The following LNX1 variants were observed in gnomAD, a reference collection of about 807,000 sequenced individuals.
The protein encoded by LNX1 is E3 ubiquitin-protein ligase LNX.
Under a neutral mutation model 68.4 loss-of-function variants are expected in LNX1, and 54 were observed. The ratio of observed to expected loss-of-function variants is 0.79; its 90% CI spans 0.63 to 0.99. The LOEUF (loss-of-function observed/expected upper bound fraction) is 0.99, where lower values mean the gene tolerates loss of function less well. LNX1 is among the 50% of genes least tolerant of loss of function. LNX1 has a pLI of 0.00. For missense variants in LNX1, 906 were observed against 926.4 expected (o/e 0.98, Z 0.29); for synonymous variants, 336 against 350.0 (o/e 0.96, Z 0.45).
At chr4:53,535,948 T>C (rs1728343347) in intron 2 of LNX1, among the ~76,000 whole-genome samples, 1 of 152,196 alleles carries the variant, frequency 6.6e-6, no homozygotes, top group African/African-American at 2.4e-5. Context: ...ACCAAAGGAT[T>C]GGACTTAGTC....
At chr4:53,542,919 G>A (rs1251034758) in intron 2 of LNX1, among the ~76,000 whole-genome samples, 2 of 152,164 alleles carry the variant, frequency 1.3e-5, no homozygotes, top group South Asian at 2.1e-4. Flanking sequence ...GCCCACCCAG[G>A]TGCCAGCTCC....
intron 2 of LNX1, among the ~76,000 whole-genome samples, chr4:53,602,388 G>A (rs1733054953): frequency 1.3e-5 from 2 of 152,210 alleles, no homozygotes; most frequent in African/African-American, 4.8e-5. Context: ...GGAAGGTTAG[G>A]TGGAACTGTA....
chr4:53,543,149 C>A (rs1289093084), intron 2 of LNX1, among the ~76,000 whole-genome samples: 1 of 152,228 alleles, frequency 6.6e-6, no homozygotes, highest in East Asian at 1.9e-4. Flanking sequence ...AAACGAGCCA[C>A]CACGTCTGTC....
chr4:53,502,927 G>A (rs990465783), intron 4 of LNX1, among the ~76,000 whole-genome samples: 5 of 108,934 alleles, frequency 4.6e-5, no homozygotes, highest in African/African-American at 1.7e-4. Context: ...CAACAATTTG[G>A]TCATATCTTT....
At chr4:53,587,603 G>T (rs1302857729) in intron 1 of LNX1, among the ~76,000 whole-genome samples, 1 of 152,144 alleles carries the variant, frequency 6.6e-6, no homozygotes, top group Non-Finnish European at 1.5e-5. Flanking sequence ...CGCCTTGCCA[G>T]CATCTTACAG....
intron 6 of LNX1, among the ~76,000 whole-genome samples, chr4:53,483,151 G>C (rs982045120): frequency 6.6e-6 from 1 of 152,076 alleles, no homozygotes; most frequent in African/African-American, 2.4e-5. Flanking sequence ...TGCTGTTCTC[G>C]AGATAGTAAG....
chr4:53,501,016 A>T (rs1312656200), intron 4 of LNX1, among the ~76,000 whole-genome samples: 1 of 152,212 alleles, frequency 6.6e-6, no homozygotes, highest in Non-Finnish European at 1.5e-5. Context: ...GCTTGAAAGG[A>T]CATACCATTC....
At chr4:53,652,020 T>TGAGAGAGAGAGAGAGA (rs397993377) in intron 1 of LNX1, 28 of 106,994 alleles carry the variant, frequency 2.6e-4, no homozygotes, top group African/African-American at 1.0e-3. Context: ...TGTGTGTGTG[T>TGAGAGAGAGAGAGAGA]GAGAGAGAGA....
intron 2 of LNX1, among the ~76,000 whole-genome samples, chr4:53,518,505 T>C (rs1319022889): frequency 6.6e-6 from 1 of 152,166 alleles, no homozygotes; most frequent in East Asian, 1.9e-4. Flanking sequence ...AAATTAATAG[T>C]AACATAATTA....
At chr4:53,568,097 A>T (rs1217099941) in intron 2 of LNX1, among the ~76,000 whole-genome samples, 3 of 152,170 alleles carry the variant, frequency 2.0e-5, no homozygotes, top group African/African-American at 7.2e-5. Context: ...TTCCTTCTGA[A>T]ACTATTCCAA....
chr4:53,472,565 A>G (rs1365708307), intron 9 of LNX1, among the ~76,000 whole-genome samples: 1 of 151,982 alleles, frequency 6.6e-6, no homozygotes. Context: ...ATCTTACAAC[A>G]TGCCTGAAAA....
At chr4:53,624,999 C>A (rs904308917) in intron 1 of LNX1, among the ~76,000 whole-genome samples, 3 of 152,106 alleles carry the variant, frequency 2.0e-5, no homozygotes, top group African/African-American at 7.2e-5. Flanking sequence ...AGAATAAATT[C>A]AATTGTTTTA....
chr4:53,633,441 T>C (rs766096153), intron 1 of LNX1, among the ~76,000 whole-genome samples: 1 of 152,224 alleles, frequency 6.6e-6, no homozygotes, highest in Non-Finnish European at 1.5e-5. Context: ...ACAGTGTTTT[T>C]CACTTCTTCT....
intron 2 of LNX1, among the ~76,000 whole-genome samples, chr4:53,607,228 A>G (rs1208985945): frequency 6.6e-6 from 1 of 152,230 alleles, no homozygotes; most frequent in Non-Finnish European, 1.5e-5. Context: ...GTCTTTGCCT[A>G]AAAGCTCACT....
intron 2 of LNX1, among the ~76,000 whole-genome samples, chr4:53,565,393 C>T (rs1188059101): frequency 1.6e-4 from 25 of 151,976 alleles, no homozygotes; most frequent in Admixed American, 5.2e-4. Flanking sequence ...GGCACACTGA[C>T]ACCTCACACT....
rs151060746 is a variant in LNX1, at chr4:53,536,299, C to T, written c.381-28072G>A. Among the ~76,000 whole-genome samples the T allele has an allele frequency of 1.5e-4, 22 of 147,704 alleles. No individual in the cohort carries two copies. The East Asian group carries it at 1.6e-3, about 11-fold the overall frequency. Reference sequence around the variant, plus strand: ...TTCCAGTGCCCAAAGCCACCTACCTCGCAGTGCGAATGAACAGATTCTCAC... The same window carrying T: ...TTCCAGTGCCCAAAGCCACCTACCTTGCAGTGCGAATGAACAGATTCTCAC... On this transcript the variant is annotated intron_variant, in intron 2 of 10. Coordinates refer to ENST00000263925, the MANE Select transcript of LNX1 (RefSeq NM_001126328.3).
rs117855925 is a variant in LNX1, at chr4:53,542,270, T to C, written c.380+31353A>G. Reference sequence around the variant, plus strand: ...AAACAAAGGACAGTTTGCATTTAAATGATCACAGACAAATTCATGAGATTA... The same window carrying C: ...AAACAAAGGACAGTTTGCATTTAAACGATCACAGACAAATTCATGAGATTA... On this transcript the variant is annotated intron_variant, in intron 2 of 10. Transcript: ENST00000263925. Among the ~76,000 whole-genome samples, 65 of 152,354 alleles carry C rather than the reference T, an allele frequency of 4.3e-4. No homozygotes were observed. In the East Asian group the frequency reaches 0.012, roughly 28 times the overall value.
intron 2 of LNX1, among the ~76,000 whole-genome samples, chr4:53,546,760 G>T (rs1218874638): frequency 6.6e-6 from 1 of 152,186 alleles, no homozygotes; most frequent in Non-Finnish European, 1.5e-5. Flanking sequence ...AGGAAAATAG[G>T]AAAGAGGAGC....
chr4:53,643,728 G>A (rs2109888504), intron 1 of LNX1, among the ~76,000 whole-genome samples: 1 of 152,240 alleles, frequency 6.6e-6, no homozygotes, highest in South Asian at 2.1e-4. Flanking sequence ...TGGTAACCTT[G>A]GGCAGCTTGC....
Sources: allele counts gnomAD v4.1 joint callset (sites outside exome capture counted in the v4.1 genomes callset), GRCh38; gene constraint gnomAD v4.1.1; transcripts MANE v1.5; gene names NCBI Gene and HGNC (gene_info 2026-07-23, HGNC 2026-07-21).